SLC23A2: variants seen among roughly 807,000 people sequenced by gnomAD.
SLC23A2 encodes the protein Na(+)/L-ascorbic acid transporter 2.
SLC23A2 carries 36 observed loss-of-function variants against 73.3 expected under a neutral mutation model. The observed-to-expected ratio is 0.49, with a 90% CI of 0.38 to 0.65. The LOEUF (loss-of-function observed/expected upper bound fraction) is 0.65. Ranked by LOEUF, SLC23A2 falls within the 30% of genes least tolerant of loss-of-function variation. The pLI is 0.00. For synonymous variants in SLC23A2, 343 were observed against 327.3 expected (o/e 1.05, Z -0.52); for missense variants, 507 against 841.6 (o/e 0.60, Z 4.92).
chr20:4,881,158 A>T (rs1473243608), intron 9 of SLC23A2, among the ~76,000 whole-genome samples: 1 of 152,228 alleles, frequency 6.6e-6, no homozygotes, highest in Non-Finnish European at 1.5e-5. Context: ...AGGAAAGCAG[A>T]AGAAACTGGT....
At chr20:4,953,261 G>A (rs891648071) in intron 2 of SLC23A2, among the ~76,000 whole-genome samples, 5 of 151,934 alleles carry the variant, frequency 3.3e-5, no homozygotes, top group African/African-American at 9.7e-5. Context: ...AGCCAAGATA[G>A]CGCCACTGCA....
intron 2 of SLC23A2, among the ~76,000 whole-genome samples, chr20:4,962,991 T>C (rs1424182590): frequency 6.6e-6 from 1 of 151,996 alleles, no homozygotes; most frequent in Non-Finnish European, 1.5e-5. Flanking sequence ...AGAGCAAGAC[T>C]ATCTCAAAAA....
At chr20:4,905,559 C>T (rs901075052) in intron 4 of SLC23A2, among the ~76,000 whole-genome samples, 5 of 152,144 alleles carry the variant, frequency 3.3e-5, no homozygotes, top group African/African-American at 9.7e-5. Context: ...ATCTAAAGAA[C>T]AAAAAAACTG....
At chr20:4,928,673 T>C (rs1329895417) in intron 3 of SLC23A2, among the ~76,000 whole-genome samples, 2 of 152,222 alleles carry the variant, frequency 1.3e-5, no homozygotes, top group African/African-American at 4.8e-5. Context: ...CTTTTAAGGC[T>C]TCCTTTTATA....
intron 2 of SLC23A2, among the ~76,000 whole-genome samples, chr20:4,966,410 T>C (rs2087475500): frequency 6.6e-6 from 1 of 152,122 alleles, no homozygotes; most frequent in South Asian, 2.1e-4. Context: ...AACTGTGCTA[T>C]CCAATGCGGG....
intron 7 of SLC23A2, among the ~76,000 whole-genome samples, chr20:4,885,559 C>A (rs1013498760): frequency 3.3e-5 from 5 of 152,136 alleles, no homozygotes; most frequent in Admixed American, 6.5e-5. Flanking sequence ...TATTCCGTTC[C>A]CATATTTGTC....
At chr20:5,000,530 G>A (rs548819986) in intron 1 of SLC23A2, among the ~76,000 whole-genome samples, 6 of 152,138 alleles carry the variant, frequency 3.9e-5, no homozygotes, top group African/African-American at 1.4e-4. Context: ...AGCACTGCAA[G>A]AATAGAAGTA....
chr20:5,001,267 G>A (rs1411385975), intron 1 of SLC23A2, 139 bp downstream of exon 1: 1 of 148,322 alleles, frequency 6.7e-6, no homozygotes, highest in African/African-American at 2.4e-5. Flanking sequence ...GGGGCGCGCA[G>A]GCCGCGCCGC....
intron 2 of SLC23A2, among the ~76,000 whole-genome samples, chr20:4,939,433 G>A (rs1373550043): frequency 6.6e-6 from 1 of 152,178 alleles, no homozygotes; most frequent in Non-Finnish European, 1.5e-5. Context: ...TATTAGAAAA[G>A]TCCAAATTAT....
intron 2 of SLC23A2, among the ~76,000 whole-genome samples, chr20:4,958,433 T>C (rs570195093): frequency 3.3e-5 from 5 of 152,238 alleles, no homozygotes; most frequent in Non-Finnish European, 7.3e-5. Flanking sequence ...TTCTTCACTA[T>C]AAAGTTTTAA....
chr20:4,895,261 G>C (rs1393532385), intron 6 of SLC23A2, among the ~76,000 whole-genome samples: 1 of 152,168 alleles, frequency 6.6e-6, no homozygotes, highest in Admixed American at 6.5e-5. Context: ...AGCCCACAGA[G>C]GCCATCTGCC....
At chr20:4,933,693 G>A (rs1351898608) in intron 2 of SLC23A2, among the ~76,000 whole-genome samples, 1 of 152,102 alleles carries the variant, frequency 6.6e-6, no homozygotes, top group East Asian at 1.9e-4. Flanking sequence ...TACATACAAT[G>A]AAATATGCCT....
intron 1 of SLC23A2, among the ~76,000 whole-genome samples, chr20:4,985,759 T>C (rs1312614903): frequency 6.6e-6 from 1 of 152,118 alleles, no homozygotes. Flanking sequence ...AAACCACATA[T>C]TGTATGATAC....
chr20:4,901,615 T>G (rs1441195123), intron 5 of SLC23A2, among the ~76,000 whole-genome samples: 1 of 152,150 alleles, frequency 6.6e-6, no homozygotes, highest in Admixed American at 6.5e-5. Flanking sequence ...ACCTTGTCCC[T>G]GAGCCCGGCT....
At position 4,915,461 on chromosome 20, in the gene SLC23A2, G is replaced by GT. The variant is rs1403448155; in HGVS notation, c.109-2484dup. ...ATATTTTGGTCATTTCCTAAAATGA[G>GT]TAAGTACAATTTATTTTGATAATAG... On this transcript the variant is annotated intron_variant, in intron 3 of 16. Transcript: ENST00000338244. 6.6e-5 allele frequency among the ~76,000 whole-genome samples: 10 copies of GT among 152,290 alleles called. No individual in the cohort carries two copies. In the East Asian group the frequency reaches 1.2e-3, roughly 18 times the overall value.
At chr20:4,906,260 G>A (rs910805107) in intron 4 of SLC23A2, among the ~76,000 whole-genome samples, 1 of 152,126 alleles carries the variant, frequency 6.6e-6, no homozygotes, top group African/African-American at 2.4e-5. Flanking sequence ...CATCACTTGA[G>A]CCTGAGAGGT....
intron 3 of SLC23A2, among the ~76,000 whole-genome samples, chr20:4,921,736 A>G (rs1568625327): frequency 6.6e-6 from 1 of 152,082 alleles, no homozygotes; most frequent in Non-Finnish European, 1.5e-5. Context: ...ACCATTCTGC[A>G]TTTTCTGCAG....
At chr20:4,951,339 C>A (rs977615820) in intron 2 of SLC23A2, among the ~76,000 whole-genome samples, 6 of 151,868 alleles carry the variant, frequency 4.0e-5, no homozygotes, top group Non-Finnish European at 7.4e-5. Context: ...CAGAAGTAAG[C>A]CAGAGAAATG....
Position 4,902,300 on chromosome 20 carries a change from A to G in SLC23A2, c.324+142T>C. The G allele has an allele frequency of 9.1e-6, 5 of 549,298 alleles. No individual in the cohort carries two copies. In the South Asian group the frequency reaches 1.2e-4, roughly 13 times the overall value. 34.0% of individuals were successfully genotyped at this position (549,298 alleles called of 1,614,324 possible). A position where few individuals can be genotyped will look rare whatever the true frequency, so the allele number is the denominator to read the frequency against. On this transcript the variant is annotated intron_variant, in intron 5 of 16. Coordinates refer to ENST00000338244, the MANE Select transcript of SLC23A2 (RefSeq NM_005116.6). The surrounding 1 kb of genome is among the most constrained non-coding windows in gnomAD (Gnocchi z 4.0). Reference sequence around the variant, plus strand: ...ATTACAGGCATCAGCCACTGTGCTCAGCCCCTACTCATCACTCTTAAAAGA... The same window carrying G: ...ATTACAGGCATCAGCCACTGTGCTCGGCCCCTACTCATCACTCTTAAAAGA...
Sources: gnomAD v4.1 joint callset for allele counts (sites outside exome capture counted in the v4.1 genomes callset) on GRCh38, gnomAD v4.1.1 for gene constraint, Gnocchi (gnomAD v3.1) non-coding constraint, MANE v1.5 for transcripts, NCBI Gene and HGNC (gene_info 2026-07-23, HGNC 2026-07-21) for gene names.